STON1: variants seen among roughly 807,000 people sequenced by gnomAD.
STON1 encodes stonin-1.
In STON1, 79 loss-of-function variants were observed where a neutral mutation model predicts 60.9. The observed-to-expected ratio is 1.30, with a 90% CI of 1.08 to 1.56. STON1 has a LOEUF of 1.56. Among genes scored for constraint, STON1 ranks in the 40% most tolerant of loss-of-function variants. The pLI is 0.00. For synonymous variants in STON1, 363 were observed against 306.9 expected (o/e 1.18, Z -1.91); for missense variants, 1,166 against 858.9 (o/e 1.36, Z -4.47).
Position 48,595,373 on chromosome 2 carries a change from C to T in STON1, c.*71C>T. ...TTCACCGAAACCACACCAAGTCCTGCTACTGTAGAGTGGAAATGACTTCTG... is the reference window on the plus strand; with the variant it reads ...TTCACCGAAACCACACCAAGTCCTGTTACTGTAGAGTGGAAATGACTTCTG... On this transcript the variant is annotated 3_prime_UTR_variant, in exon 4 of 4. Transcript: ENST00000404752. 2 of 1,360,928 alleles carry T rather than the reference C, an allele frequency of 1.5e-6. No homozygotes were observed. Among genetic ancestry groups the T allele is most frequent in the Non-Finnish European group, 2.1e-6 (2 of 959,492 alleles). The allele number at this position is 1,360,928 out of a possible 1,614,324, so 84.3% of individuals were successfully genotyped here.
rs377638937 is a variant in STON1, at chr2:48,573,234, G to A, written c.-47-7353G>A. Among the ~76,000 whole-genome samples, 70 of 152,212 alleles carry A rather than the reference G, an allele frequency of 4.6e-4. No homozygotes were observed. The South Asian group carries it at 0.012, about 26-fold the overall frequency. On this transcript the variant is annotated intron_variant, in intron 1 of 3. Coordinates refer to ENST00000404752, the MANE Select transcript of STON1 (RefSeq NM_006873.4). ...CTTTCATTTTCTGTCAGTTTGGGCC[G>A]TTTGCCCTATCCCAGCTACTTGGGA... is the stretch of plus-strand genomic sequence containing the variant.
chr2:48,530,896 G>A (rs1486970247), intron 1 of STON1: 1 of 152,254 alleles, frequency 6.6e-6, no homozygotes, highest in Admixed American at 6.5e-5. Flanking sequence ...CGTGGGTACA[G>A]GGAAAAATTA....
At chr2:48,558,924 C>T (rs1447808072) in intron 1 of STON1, among the ~76,000 whole-genome samples, 1 of 152,132 alleles carries the variant, frequency 6.6e-6, no homozygotes, top group Non-Finnish European at 1.5e-5. Context: ...GTTGAGTGTC[C>T]CTAATCCAAA....
intron 2 of STON1, among the ~76,000 whole-genome samples, chr2:48,584,688 C>G (rs889000583): frequency 6.6e-6 from 1 of 152,112 alleles, no homozygotes; most frequent in Middle Eastern, 3.2e-3. Flanking sequence ...GAGCCAGATT[C>G]CAAGTATTTT....
intron 2 of STON1, among the ~76,000 whole-genome samples, chr2:48,588,003 G>C (rs1674310234): frequency 6.6e-6 from 1 of 152,204 alleles, no homozygotes; most frequent in African/African-American, 2.4e-5. Context: ...GCCAGGGCAG[G>C]CTATAAGCTA....
At chr2:48,578,238 A>T (rs1051076858) in intron 1 of STON1, among the ~76,000 whole-genome samples, 1 of 152,112 alleles carries the variant, frequency 6.6e-6, no homozygotes, top group East Asian at 1.9e-4. Flanking sequence ...TGGCCTCCCA[A>T]AGTTGTTGGG....
At chr2:48,538,502 G>A (rs1045568005) in intron 1 of STON1, among the ~76,000 whole-genome samples, 4 of 151,872 alleles carry the variant, frequency 2.6e-5, no homozygotes, top group Non-Finnish European at 5.9e-5. Context: ...ATAGTTATTC[G>A]TAATTTTCTC....
intron 2 of STON1, among the ~76,000 whole-genome samples, chr2:48,584,442 A>G (rs1674080792): frequency 6.6e-6 from 1 of 151,620 alleles, no homozygotes; most frequent in African/African-American, 2.4e-5. Flanking sequence ...TAGTTTTTTT[A>G]TTTTTAGTAG....
At position 48,595,914 on chromosome 2, in the gene STON1, T is replaced by A. The variant is rs1247481335; in HGVS notation, c.*612T>A. 1 of 152,260 alleles carries A rather than the reference T, an allele frequency of 6.6e-6. No individual in the cohort carries two copies. The highest frequency in any genetic ancestry group is 1.5e-5 in the Non-Finnish European group (1 of 68,080). 9.4% of individuals were successfully genotyped at this position (152,260 alleles called of 1,614,324 possible). A position where few individuals can be genotyped will look rare whatever the true frequency, so the allele number is the denominator to read the frequency against. ...TACCTGTCTCTCTCCTACTGTATTGTCATTTTCAAAATGTGTTTGTTTTCT... is the reference window on the plus strand; with the variant it reads ...TACCTGTCTCTCTCCTACTGTATTGACATTTTCAAAATGTGTTTGTTTTCT... On this transcript the variant is annotated 3_prime_UTR_variant, in exon 4 of 4. Transcript: ENST00000404752.
In STON1 at chr2:48,581,360, G is replaced by T. The variant is rs1673872971; in HGVS notation, c.727G>T (p.Asp243Tyr). ...LEHLQSAENQ[D>Y]SLRSLSMHCL... ...ACATCTCCAGTCAGCTGAGAACCAAGACTCACTTAGAAGTTTGTCTATGCA... is the reference window on the plus strand; with the variant it reads ...ACATCTCCAGTCAGCTGAGAACCAATACTCACTTAGAAGTTTGTCTATGCA... The change falls in exon 2 of 4, where the codon GAC (aspartate) becomes TAC (tyrosine). Residue 243 changes from aspartate (D) to tyrosine (Y), a missense_variant. Asp to Tyr is a radical substitution (Grantham distance 160, BLOSUM62 -3). Transcript: ENST00000404752. 1 of 1,564,842 alleles carries T rather than the reference G, an allele frequency of 6.4e-7. No individual in the cohort carries two copies. The highest frequency in any genetic ancestry group is 1.9e-5 in the Admixed American group (1 of 53,568).
At chr2:48,551,290 A>G (rs1056988061) in intron 1 of STON1, among the ~76,000 whole-genome samples, 3 of 152,192 alleles carry the variant, frequency 2.0e-5, no homozygotes, top group Non-Finnish European at 4.4e-5. Flanking sequence ...AGGCTTGGGG[A>G]CATAGTGCAA....
At chr2:48,533,008 C>A (rs1275876132) in intron 1 of STON1, among the ~76,000 whole-genome samples, 3 of 152,036 alleles carry the variant, frequency 2.0e-5, no homozygotes, top group African/African-American at 4.8e-5. Flanking sequence ...AACCCTAGCA[C>A]TGTGGGAAGT....
intron 1 of STON1, among the ~76,000 whole-genome samples, chr2:48,539,782 T>A (rs1671583878): frequency 6.6e-6 from 1 of 152,136 alleles, no homozygotes; most frequent in African/African-American, 2.4e-5. Context: ...TAACCTTATT[T>A]CTTGCATGTA....
Position 48,595,241 on chromosome 2 carries a change from A to T in STON1, c.2147A>T (p.Lys716Met). The change falls in exon 4 of 4, where the codon AAG (lysine) becomes ATG (methionine). Residue 716 changes from lysine to methionine, a missense_variant. Lys to Met is a moderately conservative substitution (Grantham distance 95). Transcript: ENST00000404752. ...TTTGCATAACAGGTTGAAATAGAAAAGAAGTGGATTAAAATCGATGGAGAA... is the reference window on the plus strand; with the variant it reads ...TTTGCATAACAGGTTGAAATAGAAATGAAGTGGATTAAAATCGATGGAGAA... ...ACYNIQVEIE[K>M]KWIKIDGEDP... 6.2e-7 allele frequency: 1 copy of T among 1,613,754 alleles called. No individual in the cohort carries two copies. Among genetic ancestry groups the T allele is most frequent in the East Asian group, 2.2e-5 (1 of 44,858 alleles).
chr2:48,595,206 G>C (rs1175398939), intron 3 of STON1, 22 bp from the exon 4 acceptor site: 1 of 1,588,426 alleles, frequency 6.3e-7, no homozygotes, highest in African/African-American at 1.3e-5. Context: ...AATGCTGCCT[G>C]TGTTTTGCTT....
chr2:48,580,502 C>A, intron 1 of STON1, 85 bp from the exon 2 acceptor site: 2 of 1,226,262 alleles, frequency 1.6e-6, no homozygotes, highest in Non-Finnish European at 2.1e-6. Flanking sequence ...AATTTTTAAG[C>A]ATTTATCAGA....
intron 2 of STON1, among the ~76,000 whole-genome samples, chr2:48,587,235 T>C (rs1052528930): frequency 6.6e-6 from 1 of 152,246 alleles, no homozygotes; most frequent in African/African-American, 2.4e-5. Context: ...TCCTCCCTGC[T>C]CTGCATATGC....
chr2:48,551,797 A>G lies in STON1; in HGVS notation c.-48+21581A>G, dbSNP rs1214607727. Among the ~76,000 whole-genome samples, 6 of 152,360 alleles carry G rather than the reference A, an allele frequency of 3.9e-5. No homozygotes were observed. In the East Asian group the frequency reaches 9.6e-4, roughly 24 times the overall value. Reference sequence around the variant, plus strand: ...GGACTCCAGGCCCTCAGCCTATGCCAGGGCAGAGAACCCAGGCATGAATAA... The same window carrying G: ...GGACTCCAGGCCCTCAGCCTATGCCGGGGCAGAGAACCCAGGCATGAATAA... On this transcript the variant is annotated intron_variant, in intron 1 of 3. Transcript: ENST00000404752.
chr2:48,584,348 A>G (rs141185003), intron 2 of STON1, among the ~76,000 whole-genome samples: 7,374 of 151,832 alleles, frequency 0.049, 198 homozygotes, highest in African/African-American at 0.064. Flanking sequence ...GCTCACTGCA[A>G]CCTCTGCCTC....
Sources: gnomAD v4.1 joint callset for allele counts (sites outside exome capture counted in the v4.1 genomes callset) on GRCh38, gnomAD v4.1.1 for gene constraint, MANE v1.5 for transcripts, NCBI Gene and HGNC (gene_info 2026-07-23, HGNC 2026-07-21) for gene names.